PDCD6IP: variants seen among roughly 807,000 people sequenced by gnomAD.
PDCD6IP encodes the protein programmed cell death 6-interacting protein.
PDCD6IP carries 43 observed loss-of-function variants against 103.7 expected under a neutral mutation model. The ratio of observed to expected loss-of-function variants is 0.41; its 90% CI spans 0.32 to 0.53. The LOEUF is 0.53. Among genes scored for constraint, PDCD6IP ranks in the 20% least tolerant of loss-of-function variants. The probability of loss-of-function intolerance (pLI) is 0.16; values close to 1 mark genes in which losing one functional copy is unlikely to be tolerated. For synonymous variants in PDCD6IP, 354 were observed against 378.7 expected, an observed-to-expected ratio of 0.93 and a Z score of 0.76; for missense variants, 871 against 1,036.7, an observed-to-expected ratio of 0.84 and a Z score of 2.20.
chr3:33,831,626 A>G (rs1697246965), intron 7 of PDCD6IP, among the ~76,000 whole-genome samples: 2 of 152,180 alleles, frequency 1.3e-5, no homozygotes, highest in Non-Finnish European at 1.5e-5. Flanking sequence ...ATATAAGGTT[A>G]TATAGTTCAA....
intron 12 of PDCD6IP, among the ~76,000 whole-genome samples, chr3:33,849,661 TA>T (rs1697670337): frequency 6.6e-6 from 1 of 152,264 alleles, no homozygotes; most frequent in African/African-American, 2.4e-5. Flanking sequence ...TATACTTTGA[TA>T]ACATGTTAAA....
At chr3:33,799,058 C>T in intron 1 of PDCD6IP, 121 bp downstream of exon 1, 1 of 973,576 alleles carries the variant, frequency 1.0e-6, no homozygotes. Flanking sequence ...CCGGCCTGAC[C>T]AGGCGCGTAG....
intron 15 of PDCD6IP, among the ~76,000 whole-genome samples, chr3:33,859,677 G>A (rs1032094970): frequency 2.6e-5 from 4 of 152,166 alleles, no homozygotes; most frequent in Non-Finnish European, 4.4e-5. Flanking sequence ...TTGATAATAT[G>A]CTTTGTTGTC....
chr3:33,842,540 G>C (rs1016784616), intron 10 of PDCD6IP, among the ~76,000 whole-genome samples: 1 of 151,516 alleles, frequency 6.6e-6, no homozygotes, highest in African/African-American at 2.4e-5. Flanking sequence ...TGTAGTTTTT[G>C]TGGGTTTGAG....
At chr3:33,813,388 T>C (rs1696760833) in intron 2 of PDCD6IP, 171 bp from the exon 3 acceptor site, 1 of 494,594 alleles carries the variant, frequency 2.0e-6, no homozygotes. Flanking sequence ...TATTTTACTT[T>C]TTTTAGATTT....
At chr3:33,829,076 C>T in intron 7 of PDCD6IP, 107 bp downstream of exon 7, 1 of 735,576 alleles carries the variant, frequency 1.4e-6, no homozygotes, top group Non-Finnish European at 2.0e-6. Flanking sequence ...TTCATCACCC[C>T]TATCAGCAGG....
intron 12 of PDCD6IP, among the ~76,000 whole-genome samples, chr3:33,847,949 C>G (rs528803371): frequency 6.6e-6 from 1 of 151,862 alleles, no homozygotes; most frequent in East Asian, 1.9e-4. Context: ...CAAAGTGTTA[C>G]ATCTGCTGGG....
In PDCD6IP at chr3:33,836,157, C is replaced by T; in HGVS notation, c.948C>T (p.Asp316=). 1.2e-6 allele frequency: 2 copies of T among 1,610,614 alleles called. No individual in the cohort carries two copies. The highest frequency in any genetic ancestry group is 8.5e-7 in the Non-Finnish European group (1 of 1,176,822). ...RALAAAKKDN[D]FIYHDRVPDL... ...TTGCTGCAGCAAAGAAGGATAATGA[C>T]TTCATTTATCATGATCGAGTTCCAG... is the stretch of plus-strand genomic sequence containing the variant. The change falls in exon 8 of 18, where the codon GAC becomes GAT. Residue 316 remains aspartate (D), a synonymous_variant. Transcript: ENST00000307296.
chr3:33,855,895 C>G (rs1432099294), intron 15 of PDCD6IP, among the ~76,000 whole-genome samples: 2 of 152,194 alleles, frequency 1.3e-5, no homozygotes, highest in Non-Finnish European at 2.9e-5. Context: ...GGCAATCATT[C>G]TAAGGCCGGG....
chr3:33,852,494 A>T lies in PDCD6IP; in HGVS notation c.1648A>T (p.Asn550Tyr). Residue 550 changes from asparagine (N) to tyrosine (Y), a missense_variant, in exon 13 of 18, where the codon AAT becomes TAT. This residue lies in a region of PDCD6IP where 266 missense variants were observed against 390.5 expected (regional missense o/e 0.68). Transcript: ENST00000307296. ...AGGTGTCTTTTTTGTTTAGGTTGTAAATGTCTTAAAATCCTTATTGTCAAA... is the reference window on the plus strand; with the variant it reads ...AGGTGTCTTTTTTGTTTAGGTTGTATATGTCTTAAAATCCTTATTGTCAAA... The part of the protein sequence containing the change: ...AKTMQGSEVV[N>Y]VLKSLLSNLD... 1 of 1,460,344 alleles carries T rather than the reference A, an allele frequency of 6.8e-7. No individual in the cohort carries two copies. Among genetic ancestry groups the T allele is most frequent in the Non-Finnish European group, 9.0e-7 (1 of 1,109,538 alleles). The allele number at this position is 1,460,344 out of a possible 1,614,324, so 90.5% of individuals were successfully genotyped here.
At chr3:33,812,497 A>C (rs1696741897) in intron 2 of PDCD6IP, among the ~76,000 whole-genome samples, 1 of 152,254 alleles carries the variant, frequency 6.6e-6, no homozygotes, top group African/African-American at 2.4e-5. Flanking sequence ...TTATTCGCAC[A>C]AGTTACATTT....
chr3:33,853,345 T>G (rs1408364428), intron 13 of PDCD6IP, among the ~76,000 whole-genome samples: 1 of 152,106 alleles, frequency 6.6e-6, no homozygotes, highest in Non-Finnish European at 1.5e-5. Context: ...GGGAGGAAAA[T>G]CGAAATTAGT....
rs1478522677 is a variant in PDCD6IP, at chr3:33,845,449, A to C, written c.1502A>C (p.Lys501Thr). ...ACCAACTTCAGAACAGTTTTAGATAAAGCTGTGCAGGCAGATGGACAAGTG... is the reference window on the plus strand; with the variant it reads ...ACCAACTTCAGAACAGTTTTAGATACAGCTGTGCAGGCAGATGGACAAGTG... ...EGTNFRTVLD[K>T]AVQADGQVKE... Residue 501 changes from lysine to threonine, a missense_variant, in exon 12 of 18, where the codon AAA (lysine) becomes ACA (threonine). By Grantham distance (78) the Lys-to-Thr change is moderately conservative. Transcript: ENST00000307296. The C allele has an allele frequency of 3.7e-6, 6 of 1,614,006 alleles. No individual in the cohort carries two copies. The South Asian group carries it at 6.6e-5, about 18-fold the overall frequency.
At chr3:33,835,282 T>C (rs1235108199) in intron 7 of PDCD6IP, 2 of 456,594 alleles carry the variant, frequency 4.4e-6, no homozygotes, top group African/African-American at 4.0e-5. Flanking sequence ...AGTTAGGCCG[T>C]TTGAGGTTCC....
intron 8 of PDCD6IP, among the ~76,000 whole-genome samples, chr3:33,836,913 A>G (rs948200369): frequency 6.6e-6 from 1 of 151,346 alleles, no homozygotes; most frequent in Non-Finnish European, 1.5e-5. Context: ...ACAAAAATAT[A>G]TATTTTTTTC....
chr3:33,864,289 A>G (rs9848414), intron 16 of PDCD6IP, among the ~76,000 whole-genome samples, 160 bp downstream of exon 16: 44,846 of 152,154 alleles, frequency 0.29, 6,863 homozygotes, highest in East Asian at 0.41. Context: ...ACACAGCATC[A>G]TTCAAGAATT....
At chr3:33,802,355 T>G (rs550851696) in intron 1 of PDCD6IP, among the ~76,000 whole-genome samples, 63 of 152,328 alleles carry the variant, frequency 4.1e-4, no homozygotes, top group South Asian at 1.0e-3. Context: ...TATACTCAGC[T>G]AAAGGGACAC....
intron 12 of PDCD6IP, among the ~76,000 whole-genome samples, chr3:33,847,124 G>A (rs1697609994): frequency 6.6e-6 from 1 of 152,170 alleles, no homozygotes; most frequent in Admixed American, 6.5e-5. Context: ...ATAAATTTTG[G>A]TACCTTTTTT....
At chr3:33,811,606 T>C (rs767559346) in intron 1 of PDCD6IP, among the ~76,000 whole-genome samples, 13 of 152,244 alleles carry the variant, frequency 8.5e-5, no homozygotes, top group Non-Finnish European at 1.6e-4. Context: ...TAGGAAACTT[T>C]TGGATTTCTA....
Sources: gnomAD v4.1 joint callset for allele counts (sites outside exome capture counted in the v4.1 genomes callset) on GRCh38, gnomAD v4.1.1 for gene constraint, gnomAD v4.1.1 regional missense constraint, MANE v1.5 for transcripts, NCBI Gene and HGNC (gene_info 2026-07-23, HGNC 2026-07-21) for gene names.